The following CLSTN2 variants were observed in gnomAD, a reference collection of about 807,000 sequenced individuals.
CLSTN2 encodes calsyntenin 2.
A neutral mutation model predicts 101.2 loss-of-function variants in CLSTN2; 48 were observed. The ratio of observed to expected loss-of-function variants is 0.47; its 90% CI spans 0.38 to 0.60. The LOEUF (loss-of-function observed/expected upper bound fraction) is 0.60. Ranked by LOEUF, CLSTN2 falls within the 20% of genes least tolerant of loss-of-function variation. The probability of loss-of-function intolerance (pLI) is 0.00; values close to 1 mark genes in which losing one functional copy is unlikely to be tolerated. For missense variants in CLSTN2, 1,160 were observed against 1,238.2 expected (o/e 0.94, Z 0.95); for synonymous variants, 481 against 463.6 (o/e 1.04, Z -0.48).
chr3:140,095,220 G>A (rs2107787526), intron 1 of CLSTN2, among the ~76,000 whole-genome samples: 1 of 152,292 alleles, frequency 6.6e-6, no homozygotes, highest in East Asian at 1.9e-4. Context: ...ATGGCAGTGA[G>A]AATATTAATA....
At chr3:140,222,370 A>G (rs985089099) in intron 2 of CLSTN2, among the ~76,000 whole-genome samples, 2 of 152,188 alleles carry the variant, frequency 1.3e-5, no homozygotes, top group Non-Finnish European at 2.9e-5. Flanking sequence ...AATTCGTACA[A>G]AAAGAAAAAC....
chr3:140,032,740 G>A (rs1248936331), intron 1 of CLSTN2, among the ~76,000 whole-genome samples: 1 of 152,204 alleles, frequency 6.6e-6, no homozygotes, highest in African/African-American at 2.4e-5. Flanking sequence ...GATCTACAGT[G>A]GCTTCCAGCC....
At chr3:139,998,420 C>A (rs537225001) in intron 1 of CLSTN2, among the ~76,000 whole-genome samples, 1 of 141,572 alleles carries the variant, frequency 7.1e-6, no homozygotes, top group South Asian at 2.4e-4. Flanking sequence ...CTGCAAGCTC[C>A]GCCTCCCGGG....
At chr3:140,277,046 C>T (rs773357661) in intron 2 of CLSTN2, among the ~76,000 whole-genome samples, 7 of 152,096 alleles carry the variant, frequency 4.6e-5, no homozygotes, top group Non-Finnish European at 1.0e-4. Flanking sequence ...TGAGGGGGCT[C>T]ATGCCTAAGC....
At chr3:140,282,727 A>G (rs2086860188) in intron 2 of CLSTN2, among the ~76,000 whole-genome samples, 1 of 152,116 alleles carries the variant, frequency 6.6e-6, no homozygotes, top group African/African-American at 2.4e-5. Flanking sequence ...TAATTTGCCA[A>G]AGGTGCCAGA....
At chr3:140,058,243 A>G (rs986121074) in intron 1 of CLSTN2, among the ~76,000 whole-genome samples, 1 of 152,206 alleles carries the variant, frequency 6.6e-6, no homozygotes, top group African/African-American at 2.4e-5. Flanking sequence ...CCTAAATCCC[A>G]GGCAGTAGAG....
intron 2 of CLSTN2, among the ~76,000 whole-genome samples, chr3:140,200,807 C>G (rs948538606): frequency 6.6e-6 from 1 of 152,136 alleles, no homozygotes; most frequent in Non-Finnish European, 1.5e-5. Context: ...CTCCCCTCCC[C>G]CACCTGCCTC....
rs1207254321 is a variant in CLSTN2 at position 140,008,888 on chromosome 3, TC to T, written c.109+73410del. On this transcript the variant is annotated intron_variant, in intron 1 of 16. Transcript: ENST00000458420. Reference sequence around the variant, plus strand: ...AGAGAAACATGGATGATACCATCAGTCCCCCTAGAAGTTGATCCAAATAGCA... The same window carrying T: ...AGAGAAACATGGATGATACCATCAGTCCCCTAGAAGTTGATCCAAATAGCA... 3.3e-5 allele frequency among the ~76,000 whole-genome samples: 5 copies of T among 152,304 alleles called. No individual in the cohort carries two copies. In the East Asian group the frequency reaches 9.6e-4, roughly 29 times the overall value.
intron 8 of CLSTN2, among the ~76,000 whole-genome samples, chr3:140,527,981 T>C (rs997642012): frequency 6.6e-6 from 1 of 152,218 alleles, no homozygotes; most frequent in East Asian, 1.9e-4. Context: ...GCTTGGGTAG[T>C]ACTTGTGTGA....
In CLSTN2 at chr3:140,566,046, T is replaced by C; in HGVS notation, c.2668-7T>C. ...ATGAGCATTTGCTTTTTCTCCTTGA[T>C]ATCCAGAAACATGAAGGACCAGGGC... On this transcript the variant is annotated splice_polypyrimidine_tract_variant and splice_region_variant and intron_variant, in intron 16 of 16. Transcript: ENST00000458420. The C allele has an allele frequency of 6.2e-7, 1 of 1,614,002 alleles. No homozygotes were observed. Among genetic ancestry groups the C allele is most frequent in the African/African-American group, 1.3e-5 (1 of 75,036 alleles).
chr3:140,491,748 G>A (rs1317462542), intron 8 of CLSTN2, among the ~76,000 whole-genome samples: 1 of 152,216 alleles, frequency 6.6e-6, no homozygotes, highest in Non-Finnish European at 1.5e-5. Context: ...CCTGAGCCCA[G>A]GAGGTTGAGG....
Position 140,575,169 on chromosome 3 carries a change from T to C in CLSTN2, c.*8916T>C, listed in dbSNP as rs1417380542. On this transcript the variant is annotated 3_prime_UTR_variant, in exon 17 of 17. Transcript: ENST00000458420. Reference sequence around the variant, plus strand: ...GCAAAAAGCTTTTTTTGTTTTTCTGTTTTTGTTTTGTTTTTGGCGTGGAGG... The same window carrying C: ...GCAAAAAGCTTTTTTTGTTTTTCTGCTTTTGTTTTGTTTTTGGCGTGGAGG... 6.6e-6 allele frequency: 1 copy of C among 152,228 alleles called. No homozygotes were observed. The highest frequency in any genetic ancestry group is 6.5e-5 in the Admixed American group (1 of 15,276). The allele number at this position is 152,228 out of a possible 1,614,324, so 9.4% of individuals were successfully genotyped here.
Position 139,935,336 on chromosome 3 carries a change from G to T in CLSTN2, c.-39G>T. On this transcript the variant is annotated 5_prime_UTR_variant, in exon 1 of 17. Transcript: ENST00000458420. This position sits in a 1 kb window ranked among gnomAD's most constrained non-coding sequence, Gnocchi z 5.5. Reference sequence around the variant, plus strand: ...CGGGAGGCGAGAGCCGGCGCGGACAGTAGGCGGCGGCTGCAGCTCGTTGGC... The same window carrying T: ...CGGGAGGCGAGAGCCGGCGCGGACATTAGGCGGCGGCTGCAGCTCGTTGGC... The T allele has an allele frequency of 1.8e-6, 2 of 1,126,004 alleles. No individual in the cohort carries two copies. The highest frequency in any genetic ancestry group is 2.2e-6 in the Non-Finnish European group (2 of 893,628). The allele number at this position is 1,126,004 out of a possible 1,614,324, so 69.8% of individuals were successfully genotyped here.
In CLSTN2 at chr3:140,566,296, A is replaced by G; in HGVS notation, c.*43A>G. 6.5e-7 allele frequency: 1 copy of G among 1,532,456 alleles called. No individual in the cohort carries two copies. Among genetic ancestry groups the G allele is most frequent in the Non-Finnish European group, 8.8e-7 (1 of 1,131,274 alleles). The allele number at this position is 1,532,456 out of a possible 1,614,324, so 94.9% of individuals were successfully genotyped here. ...CCTGGCCCACATGTCCCTTTTGTAA[A>G]CCCTGACCCAGTGTATGCCCATGTC... On this transcript the variant is annotated 3_prime_UTR_variant, in exon 17 of 17. Transcript: ENST00000458420.
intron 1 of CLSTN2, among the ~76,000 whole-genome samples, chr3:140,133,358 G>A (rs2009551146): frequency 6.6e-6 from 1 of 152,166 alleles, no homozygotes; most frequent in Admixed American, 6.6e-5. Context: ...GATTTGGAGA[G>A]GATAAATATC....
intron 1 of CLSTN2, among the ~76,000 whole-genome samples, chr3:140,050,891 C>T (rs548580824): frequency 5.3e-5 from 8 of 152,274 alleles, no homozygotes; most frequent in African/African-American, 1.9e-4. Context: ...TGCCTCCTTG[C>T]TATTTTTATT....
At position 140,566,145 on chromosome 3, in the gene CLSTN2, C is replaced by T. The variant is rs143253336; in HGVS notation, c.2760C>T (p.Asp920=). The T allele has an allele frequency of 8.7e-5, 140 of 1,611,860 alleles. No individual in the cohort carries two copies. The highest frequency in any genetic ancestry group is 5.0e-4 in the Middle Eastern group (3 of 6,048). ...AAATGAGCTCCAGCAGTGGCTCTGA[C>T]GACAGCGAAGAGGAGGAGGAGGAGG... The part of the protein sequence containing the change: ...EEEMSSSSGS[D]DSEEEEEEEG... The change falls in exon 17 of 17, where the codon GAC becomes GAT. Residue 920 remains aspartate (D), a synonymous_variant. Transcript: ENST00000458420.
chr3:140,242,947 A>G (rs759259510), intron 2 of CLSTN2, among the ~76,000 whole-genome samples: 7 of 152,276 alleles, frequency 4.6e-5, no homozygotes, highest in African/African-American at 7.2e-5. Context: ...TGCACTTCCT[A>G]TGTGTTCACT....
intron 2 of CLSTN2, among the ~76,000 whole-genome samples, chr3:140,210,408 C>T (rs1051361624): frequency 6.6e-6 from 1 of 152,204 alleles, no homozygotes; most frequent in African/African-American, 2.4e-5. Flanking sequence ...TGCTAAGAAA[C>T]ATCTGGAAGC....
Sources: allele counts gnomAD v4.1 joint callset (sites outside exome capture counted in the v4.1 genomes callset), GRCh38; gene constraint gnomAD v4.1.1; non-coding constraint Gnocchi (gnomAD v3.1); transcripts MANE v1.5; gene names NCBI Gene and HGNC (gene_info 2026-07-23, HGNC 2026-07-21).